The following AUH variants were observed in gnomAD, a reference collection of about 807,000 sequenced individuals.
The protein encoded by AUH is methylglutaconyl-CoA hydratase, mitochondrial.
Under a neutral mutation model 42.3 loss-of-function variants are expected in AUH, and 29 were observed. That is an observed-to-expected ratio of 0.69 (90% CI 0.51 to 0.93). AUH has a LOEUF of 0.93. Ranked by LOEUF, AUH falls within the 40% of genes least tolerant of loss-of-function variation. The probability of loss-of-function intolerance (pLI) is 0.00; values close to 1 mark genes in which losing one functional copy is unlikely to be tolerated. For missense variants in AUH, 452 were observed against 438.1 expected (o/e 1.03, Z -0.28); for synonymous variants, 174 against 166.4 (o/e 1.05, Z -0.35).
chr9:91,338,791 A>T (rs1169568390), intron 3 of AUH, among the ~76,000 whole-genome samples: 2 of 152,242 alleles, frequency 1.3e-5, no homozygotes, highest in African/African-American at 4.8e-5. Context: ...TTGAACAAAT[A>T]GGTATAGCCT....
In AUH at chr9:91,361,884, C is replaced by G. The variant is rs1362626401; in HGVS notation, c.6G>C (p.Ala2=). 6 of 1,464,090 alleles carry G rather than the reference C, an allele frequency of 4.1e-6. No individual in the cohort carries two copies. The highest frequency in any genetic ancestry group is 2.3e-4 in the Middle Eastern group (1 of 4,402). The allele number at this position is 1,464,090 out of a possible 1,614,324, so 90.7% of individuals were successfully genotyped here. A position where few individuals can be genotyped will look rare whatever the true frequency, so the allele number is the denominator to read the frequency against. Residue 2 remains alanine (A), a synonymous_variant, in exon 1 of 10, where the codon GCG becomes GCC. Transcript: ENST00000375731. ...CCCCAGGTGCCGCCGCCACCGCGGC[C>G]GCCATGTTGTCTGTTTACGGCGTGG... M[A]AAVAAAPGAL...
rs1831580838 is a variant in AUH at position 91,347,212 on chromosome 9, T to TTTGTTTG, written c.418+8670_418+8671insCAAACAA. Among the ~76,000 whole-genome samples the TTTGTTTG allele has an allele frequency of 1.3e-4, 19 of 150,182 alleles. No individual in the cohort carries two copies. In the South Asian group the frequency reaches 2.3e-3, roughly 18 times the overall value. Reference sequence around the variant, plus strand: ...GCCACCACACCCAGTTAAGAGGGTTTTTTGTTTGTTTGTTTGTTTGTTTGT... The same window carrying TTTGTTTG: ...GCCACCACACCCAGTTAAGAGGGTTTTTGTTTGTTTGTTTGTTTGTTTGTTTGTTTGT... On this transcript the variant is annotated intron_variant, in intron 3 of 9. Transcript: ENST00000375731.
chr9:91,320,476 G>A (rs1203492367), intron 4 of AUH, among the ~76,000 whole-genome samples: 4 of 152,132 alleles, frequency 2.6e-5, no homozygotes, highest in Admixed American at 1.3e-4. Flanking sequence ...TAAGACAAAC[G>A]CTGAGCTGTA....
chr9:91,226,202 T>C (rs1293202480), intron 6 of AUH, among the ~76,000 whole-genome samples: 4 of 151,526 alleles, frequency 2.6e-5, no homozygotes, highest in Non-Finnish European at 4.4e-5. Context: ...CCACATCCTC[T>C]CCAGCACCTG....
At chr9:91,219,436 A>G (rs1827009854) in intron 7 of AUH, among the ~76,000 whole-genome samples, 1 of 152,224 alleles carries the variant, frequency 6.6e-6, no homozygotes, top group Admixed American at 6.5e-5. Flanking sequence ...TACTCTCCTG[A>G]TACTTGTACC....
At chr9:91,236,038 G>C (rs1393935596) in intron 6 of AUH, among the ~76,000 whole-genome samples, 1 of 152,186 alleles carries the variant, frequency 6.6e-6, no homozygotes. Context: ...GCTGAAATAG[G>C]GTTTCCTGTA....
At chr9:91,321,871 T>C (rs1829604083) in intron 4 of AUH, among the ~76,000 whole-genome samples, 2 of 152,344 alleles carry the variant, frequency 1.3e-5, no homozygotes, top group South Asian at 4.1e-4. Context: ...GTTGCTTTCA[T>C]ACTATAAAGT....
At chr9:91,300,659 T>C (rs947489641) in intron 4 of AUH, among the ~76,000 whole-genome samples, 3 of 152,234 alleles carry the variant, frequency 2.0e-5, no homozygotes, top group African/African-American at 7.2e-5. Context: ...ACCTTCAGGA[T>C]AGAAATGGTG....
chr9:91,355,735 G>GT, intron 3 of AUH, 148 bp downstream of exon 3: 5 of 709,172 alleles, frequency 7.1e-6, no homozygotes, highest in South Asian at 1.7e-5. Context: ...GACTAAGCAT[G>GT]TTTTTTTCTT....
At chr9:91,310,888 T>C (rs910720164) in intron 4 of AUH, among the ~76,000 whole-genome samples, 1 of 152,224 alleles carries the variant, frequency 6.6e-6, no homozygotes, top group East Asian at 1.9e-4. Flanking sequence ...AGATGAAAGT[T>C]TGATATGTAT....
chr9:91,293,440 A>C (rs898257355), intron 6 of AUH, among the ~76,000 whole-genome samples: 1 of 152,236 alleles, frequency 6.6e-6, no homozygotes. Flanking sequence ...CTTATTGCTG[A>C]TATGCAGAAA....
At chr9:91,297,240 A>G (rs896409133) in intron 5 of AUH, among the ~76,000 whole-genome samples, 2 of 152,188 alleles carry the variant, frequency 1.3e-5, no homozygotes, top group East Asian at 3.9e-4. Flanking sequence ...CAGTGCCCCA[A>G]AGTACCTGCT....
Position 91,220,847 on chromosome 9 carries a change from G to T in AUH, c.801C>A (p.Ala267=). Residue 267 remains alanine (A), a synonymous_variant, in exon 7 of 10, where the codon GCC becomes GCA. Coordinates refer to ENST00000375731, the MANE Select transcript of AUH (RefSeq NM_001698.3). ...TCGCCAGGTCCAAGGCCTTCCTGTA[G>T]GCCGCGTCTCCCTCCTGGTTCTGTT... The part of the protein sequence containing the change: ...VLEQNQEGDA[A]YRKALDLARE... The T allele has an allele frequency of 6.2e-7, 1 of 1,614,230 alleles. No homozygotes were observed.
At chr9:91,298,553 G>T (rs927993407) in intron 4 of AUH, among the ~76,000 whole-genome samples, 1 of 152,208 alleles carries the variant, frequency 6.6e-6, no homozygotes, top group African/African-American at 2.4e-5. Flanking sequence ...TGTCCAAGTA[G>T]TTGCTGTGGC....
intron 3 of AUH, among the ~76,000 whole-genome samples, chr9:91,331,939 C>A (rs1211135461): frequency 6.6e-6 from 1 of 152,302 alleles, no homozygotes; most frequent in East Asian, 1.9e-4. Context: ...TGGGTGTTAA[C>A]GTCCCCTTGA....
At chr9:91,307,660 G>A (rs1163884200) in intron 4 of AUH, among the ~76,000 whole-genome samples, 1 of 152,152 alleles carries the variant, frequency 6.6e-6, no homozygotes, top group Non-Finnish European at 1.5e-5. Flanking sequence ...TTTTATTACA[G>A]AATATTGTTG....
At chr9:91,332,474 C>A (rs933067350) in intron 3 of AUH, among the ~76,000 whole-genome samples, 1 of 152,146 alleles carries the variant, frequency 6.6e-6, no homozygotes, top group African/African-American at 2.4e-5. Context: ...TGCACTCCAG[C>A]CTGGGCAACA....
intron 6 of AUH, among the ~76,000 whole-genome samples, chr9:91,279,744 A>G (rs1323482989): frequency 6.6e-6 from 1 of 152,180 alleles, no homozygotes; most frequent in East Asian, 1.9e-4. Flanking sequence ...GCGGGTCACA[A>G]TTAACATGAC....
chr9:91,321,269 A>G (rs946697839), intron 4 of AUH, among the ~76,000 whole-genome samples: 1 of 152,202 alleles, frequency 6.6e-6, no homozygotes, highest in Non-Finnish European at 1.5e-5. Flanking sequence ...ATCAACTAAC[A>G]TTAATAGTGA....
Sources: allele counts gnomAD v4.1 joint callset (sites outside exome capture counted in the v4.1 genomes callset), GRCh38; gene constraint gnomAD v4.1.1; transcripts MANE v1.5; gene names NCBI Gene and HGNC (gene_info 2026-07-23, HGNC 2026-07-21).